The following RRAS2 variants were observed in gnomAD, a reference collection of about 807,000 sequenced individuals.
RRAS2 encodes the protein RAS related 2.
A neutral mutation model predicts 27.6 loss-of-function variants in RRAS2; 7 were observed. That is an observed-to-expected ratio of 0.25 (90% CI 0.14 to 0.48). RRAS2 has a LOEUF of 0.48. RRAS2 is among the 20% of genes least tolerant of loss of function. RRAS2 has a pLI of 0.99. For synonymous variants in RRAS2, 86 were observed against 90.9 expected (o/e 0.95, Z 0.31); for missense variants, 178 against 256.2 (o/e 0.69, Z 2.08).
intron 4 of RRAS2, among the ~76,000 whole-genome samples, chr11:14,289,051 T>C (rs952157373): frequency 6.6e-6 from 1 of 152,130 alleles, no homozygotes; most frequent in African/African-American, 2.4e-5. Flanking sequence ...TACACCTACA[T>C]TCACCATCTA....
chr11:14,317,887 C>T (rs1424795572), intron 1 of RRAS2, among the ~76,000 whole-genome samples: 2 of 152,144 alleles, frequency 1.3e-5, no homozygotes, highest in African/African-American at 4.8e-5. Flanking sequence ...GCTACGATTG[C>T]ACCACTGCCC....
At chr11:14,328,711 C>T (rs1554951467) in intron 1 of RRAS2, among the ~76,000 whole-genome samples, 1 of 151,406 alleles carries the variant, frequency 6.6e-6, no homozygotes, top group African/African-American at 2.4e-5. Context: ...GTTGCCCAGA[C>T]TGGAGTGCAA....
intron 1 of RRAS2, among the ~76,000 whole-genome samples, chr11:14,354,907 C>A (rs1464078104): frequency 1.3e-5 from 2 of 151,918 alleles, no homozygotes; most frequent in Admixed American, 6.6e-5. Context: ...AAACTCCTGA[C>A]CTCAAGTGAT....
At chr11:14,355,526 TTTA>T (rs1482563164) in intron 1 of RRAS2, among the ~76,000 whole-genome samples, 2 of 152,218 alleles carry the variant, frequency 1.3e-5, no homozygotes, top group African/African-American at 4.8e-5. Flanking sequence ...ATTTGTTATA[TTTA>T]TTTTTAAAAA....
intron 1 of RRAS2, among the ~76,000 whole-genome samples, chr11:14,347,148 G>A (rs909695629): frequency 6.6e-6 from 1 of 152,120 alleles, no homozygotes; most frequent in Admixed American, 6.6e-5. Flanking sequence ...GGACAACAGA[G>A]CAAGACCCTG....
intron 1 of RRAS2, among the ~76,000 whole-genome samples, chr11:14,343,701 G>T (rs940563157): frequency 6.6e-6 from 1 of 151,406 alleles, no homozygotes; most frequent in African/African-American, 2.4e-5. Context: ...GGGCATGATG[G>T]TGCACGCCTG....
chr11:14,320,104 C>T (rs1848193124), intron 1 of RRAS2, among the ~76,000 whole-genome samples: 1 of 152,056 alleles, frequency 6.6e-6, no homozygotes, highest in Non-Finnish European at 1.5e-5. Flanking sequence ...TAGCACTGCC[C>T]ACCCACCGCA....
chr11:14,334,531 TACACACACACACACACAC>T, intron 1 of RRAS2, among the ~76,000 whole-genome samples: 1 of 143,862 alleles, frequency 7.0e-6, no homozygotes, highest in South Asian at 2.3e-4. Context: ...CATCCATACA[TACACACACACACACACAC>T]ACACACACAC....
At chr11:14,314,580 G>A (rs573778410) in intron 1 of RRAS2, among the ~76,000 whole-genome samples, 193 of 152,210 alleles carry the variant, frequency 1.3e-3, no homozygotes, top group African/African-American at 4.4e-3. Context: ...AAAATAAAGA[G>A]GAACATCTAA....
chr11:14,318,522 A>G (rs552255614), intron 1 of RRAS2, among the ~76,000 whole-genome samples: 43 of 152,140 alleles, frequency 2.8e-4, no homozygotes, highest in Admixed American at 2.6e-3. Flanking sequence ...AAACAAACAA[A>G]AAAAAAAACC....
chr11:14,302,594 T>C lies in RRAS2; in HGVS notation c.109-6739A>G, dbSNP rs75502084. On this transcript the variant is annotated intron_variant, in intron 1 of 5. Transcript: ENST00000256196. ...CACTTCAGATGTGGCAGCAAAGAAG[T>C]TGTAAGAGAAAAGGAAAAGCTTCCC... Among the ~76,000 whole-genome samples the C allele has an allele frequency of 9.2e-5, 14 of 152,180 alleles. No homozygotes were observed. In the East Asian group the frequency reaches 2.7e-3, roughly 29 times the overall value.
At chr11:14,300,464 G>A (rs755149098) in intron 1 of RRAS2, among the ~76,000 whole-genome samples, 2 of 152,142 alleles carry the variant, frequency 1.3e-5, no homozygotes, top group Non-Finnish European at 2.9e-5. Flanking sequence ...CTACTCAGGA[G>A]GCTGAGGCAG....
chr11:14,361,209 C>T (rs1157825378), upstream of RRAS2, among the ~76,000 whole-genome samples: 1 of 152,062 alleles, frequency 6.6e-6, no homozygotes, highest in Admixed American at 6.6e-5. Flanking sequence ...ATTGCTTGAA[C>T]GCTGGAAGCG....
intron 1 of RRAS2, among the ~76,000 whole-genome samples, chr11:14,323,427 C>T (rs1591471736): frequency 1.3e-5 from 2 of 151,738 alleles, no homozygotes; most frequent in Non-Finnish European, 2.9e-5. Flanking sequence ...CACTGCACTC[C>T]GACCTGGGTG....
At chr11:14,353,103 T>A (rs927766461) in intron 1 of RRAS2, among the ~76,000 whole-genome samples, 3 of 151,958 alleles carry the variant, frequency 2.0e-5, no homozygotes, top group Admixed American at 6.6e-5. Flanking sequence ...CCAGCTAAAA[T>A]TTTTTTTAAT....
intron 4 of RRAS2, 55 bp downstream of exon 4, chr11:14,294,416 G>A: frequency 8.7e-7 from 1 of 1,149,856 alleles, no homozygotes. Context: ...AAATCTATCA[G>A]TTCACTCACA....
At chr11:14,290,886 G>GT (rs1401380004) in intron 4 of RRAS2, among the ~76,000 whole-genome samples, 6 of 152,164 alleles carry the variant, frequency 3.9e-5, no homozygotes, top group African/African-American at 7.2e-5. Context: ...TTATGCTGTA[G>GT]TTTTTTTGTT....
At position 14,307,201 on chromosome 11, in the gene RRAS2, C is replaced by CA. The variant is rs797030285; in HGVS notation, c.109-11347dup. 2.7e-3 allele frequency among the ~76,000 whole-genome samples: 312 copies of CA among 116,398 alleles called. 2 individuals carry two copies. Among genetic ancestry groups the CA allele is most frequent in the East Asian group, 6.3e-3 (26 of 4,122 alleles). 76.4% of individuals were successfully genotyped at this position (116,398 alleles called of 152,430 possible). A position where few individuals can be genotyped will look rare whatever the true frequency, so the allele number is the denominator to read the frequency against. ...GGAGACCCTGCCCCCTCCCCCAAAC[C>CA]AAAAAAAACAAAAAAAAACAAAAAA... On this transcript the variant is annotated intron_variant, in intron 1 of 5. Transcript: ENST00000256196.
chr11:14,322,136 G>A (rs1334702576), intron 1 of RRAS2, among the ~76,000 whole-genome samples: 3 of 152,010 alleles, frequency 2.0e-5, no homozygotes, highest in Non-Finnish European at 4.4e-5. Flanking sequence ...CTGCTATCAG[G>A]AAATATCAAA....
Sources: allele counts gnomAD v4.1 joint callset (sites outside exome capture counted in the v4.1 genomes callset), GRCh38; gene constraint gnomAD v4.1.1; transcripts MANE v1.5; gene names NCBI Gene and HGNC (gene_info 2026-07-23, HGNC 2026-07-21).